The following CACNA2D3 variants were observed in gnomAD, a reference collection of about 807,000 sequenced individuals.
The protein encoded by CACNA2D3 is calcium voltage-gated channel auxiliary subunit alpha2delta 3, also known as voltage-dependent calcium channel subunit alpha-2/delta-3.
A neutral mutation model predicts 160.6 loss-of-function variants in CACNA2D3; 60 were observed. That is an observed-to-expected ratio of 0.37 (90% CI 0.30 to 0.46). The LOEUF (loss-of-function observed/expected upper bound fraction) is 0.46, where lower values mean the gene tolerates loss of function less well. Among genes scored for constraint, CACNA2D3 ranks in the 20% least tolerant of loss-of-function variants. The pLI is 1.00. For missense variants in CACNA2D3, 1,205 were observed against 1,365.0 expected, an observed-to-expected ratio of 0.88 and a Z score of 1.85; for synonymous variants, 558 against 492.9, an observed-to-expected ratio of 1.13 and a Z score of -1.75.
chr3:54,271,936 C>T (rs1426669168), intron 2 of CACNA2D3, among the ~76,000 whole-genome samples: 1 of 152,184 alleles, frequency 6.6e-6, no homozygotes, highest in Non-Finnish European at 1.5e-5. Context: ...AGGCAAAGTC[C>T]CCAGTGGCTT....
chr3:54,628,503 A>G (rs578022019), intron 10 of CACNA2D3, among the ~76,000 whole-genome samples: 1 of 152,282 alleles, frequency 6.6e-6, no homozygotes, highest in African/African-American at 2.4e-5. Context: ...TAGGCAGAGA[A>G]CTACATGGTC....
At chr3:54,340,879 C>T (rs1232951656) in intron 3 of CACNA2D3, among the ~76,000 whole-genome samples, 2 of 152,212 alleles carry the variant, frequency 1.3e-5, no homozygotes, top group Non-Finnish European at 2.9e-5. Flanking sequence ...ATCAGAGGGT[C>T]CCCACACTCC....
chr3:54,141,198 C>T (rs896809323), intron 2 of CACNA2D3, among the ~76,000 whole-genome samples: 2 of 151,862 alleles, frequency 1.3e-5, no homozygotes, highest in Non-Finnish European at 1.5e-5. Flanking sequence ...TACTGGTAAC[C>T]CTTCTCTATT....
In CACNA2D3 at chr3:54,626,431, G is replaced by T. The variant is rs577713702; in HGVS notation, c.964-1356G>T. On this transcript the variant is annotated intron_variant, in intron 9 of 37. Transcript: ENST00000474759. ...GGAGGCGCTGCCCATGGAGAAGCCGGAAGTGGTGAAGACGCACCTGCGTGA... is the reference window on the plus strand; with the variant it reads ...GGAGGCGCTGCCCATGGAGAAGCCGTAAGTGGTGAAGACGCACCTGCGTGA... 107 of 1,589,572 alleles carry T rather than the reference G, an allele frequency of 6.7e-5. 1 individual carries two copies. In the South Asian group the frequency reaches 1.1e-3, roughly 17 times the overall value.
At chr3:54,400,680 C>G (rs1699442787) in intron 4 of CACNA2D3, among the ~76,000 whole-genome samples, 3 of 152,156 alleles carry the variant, frequency 2.0e-5, no homozygotes, top group Non-Finnish European at 4.4e-5. Context: ...ACAACTGCTT[C>G]TACTAGGAGC....
chr3:54,807,497 A>G (rs936932743), intron 13 of CACNA2D3, among the ~76,000 whole-genome samples: 5 of 152,154 alleles, frequency 3.3e-5, no homozygotes, highest in African/African-American at 1.2e-4. Context: ...AATCAAAACC[A>G]CAATGAGATA....
chr3:54,658,005 G>A (rs781100459), intron 11 of CACNA2D3, among the ~76,000 whole-genome samples: 3 of 152,224 alleles, frequency 2.0e-5, no homozygotes, highest in Non-Finnish European at 4.4e-5. Flanking sequence ...GCAACAGAGT[G>A]AGTGAGACTC....
intron 35 of CACNA2D3, among the ~76,000 whole-genome samples, chr3:55,025,830 CCAAGCTTTATTT>C (rs1426913316): frequency 4.6e-5 from 7 of 151,892 alleles, no homozygotes; most frequent in African/African-American, 1.7e-4. Flanking sequence ...ATTTTCCTTT[CCAAGCTTTATTT>C]CAAGACCACC....
chr3:54,193,243 A>G (rs72972046), intron 2 of CACNA2D3, among the ~76,000 whole-genome samples: 2,366 of 152,228 alleles, frequency 0.016, 58 homozygotes, highest in African/African-American at 0.055. Context: ...CTTAGAGTCC[A>G]TGGCTATGGC....
chr3:54,703,571 C>T lies in CACNA2D3; in HGVS notation c.1168-49028C>T, dbSNP rs555134119. Among the ~76,000 whole-genome samples, 6 of 152,144 alleles carry T rather than the reference C, an allele frequency of 3.9e-5. No homozygotes were observed. In the South Asian group the frequency reaches 1.2e-3, roughly 31 times the overall value. Reference sequence around the variant, plus strand: ...GGCCACATAGTGAAGGTTCAATAACCGTTGACTATCCTCCTACCAGGTTTT... The same window carrying T: ...GGCCACATAGTGAAGGTTCAATAACTGTTGACTATCCTCCTACCAGGTTTT... On this transcript the variant is annotated intron_variant, in intron 11 of 37. Transcript: ENST00000474759.
At chr3:54,429,614 C>T (rs1431961988) in intron 4 of CACNA2D3, among the ~76,000 whole-genome samples, 1 of 152,102 alleles carries the variant, frequency 6.6e-6, no homozygotes, top group Non-Finnish European at 1.5e-5. Flanking sequence ...TGGTAGATTT[C>T]CTAGGGGTTA....
intron 27 of CACNA2D3, among the ~76,000 whole-genome samples, chr3:54,927,588 A>G (rs1018788640): frequency 1.4e-4 from 22 of 152,254 alleles, no homozygotes; most frequent in African/African-American, 5.1e-4. Flanking sequence ...CAATTTGTTC[A>G]TTCTTTCTTT....
At chr3:54,677,934 C>G (rs963827203) in intron 11 of CACNA2D3, among the ~76,000 whole-genome samples, 1 of 151,916 alleles carries the variant, frequency 6.6e-6, no homozygotes, top group Non-Finnish European at 1.5e-5. Flanking sequence ...CTTTAGAGTC[C>G]TGAGGGACAC....
At chr3:54,171,916 G>T (rs991054755) in intron 2 of CACNA2D3, among the ~76,000 whole-genome samples, 1 of 152,150 alleles carries the variant, frequency 6.6e-6, no homozygotes, top group African/African-American at 2.4e-5. Flanking sequence ...CCTGTCTCTG[G>T]ATGTCCTTCT....
At chr3:54,320,189 C>A (rs756701564) in intron 2 of CACNA2D3, among the ~76,000 whole-genome samples, 1 of 152,142 alleles carries the variant, frequency 6.6e-6, no homozygotes, top group African/African-American at 2.4e-5. Context: ...GACAGATGAT[C>A]GTTTAATTGG....
chr3:54,389,620 A>C (rs1699247000), intron 4 of CACNA2D3, among the ~76,000 whole-genome samples: 1 of 152,212 alleles, frequency 6.6e-6, no homozygotes, highest in Non-Finnish European at 1.5e-5. Flanking sequence ...GTGATGACTC[A>C]GAAAAATATA....
chr3:54,456,619 C>G (rs1365991964), intron 4 of CACNA2D3, among the ~76,000 whole-genome samples: 1 of 151,824 alleles, frequency 6.6e-6, no homozygotes, highest in Non-Finnish European at 1.5e-5. Context: ...TAATGTTGGC[C>G]TCATAGAGTG....
chr3:55,056,692 A>G (rs1704369187), intron 35 of CACNA2D3, among the ~76,000 whole-genome samples: 1 of 152,226 alleles, frequency 6.6e-6, no homozygotes, highest in Non-Finnish European at 1.5e-5. Flanking sequence ...TCTATATGAA[A>G]TAAGCCAGAC....
At position 54,304,875 on chromosome 3, in the gene CACNA2D3, T is replaced by C. The variant is rs914213223; in HGVS notation, c.205-15567T>C. Among the ~76,000 whole-genome samples the C allele has an allele frequency of 2.6e-5, 4 of 152,278 alleles. No homozygotes were observed. In the South Asian group the frequency reaches 8.3e-4, roughly 32 times the overall value. On this transcript the variant is annotated intron_variant, in intron 2 of 37. Coordinates refer to ENST00000474759, the MANE Select transcript of CACNA2D3 (RefSeq NM_018398.3). ...ATTCTGCCACCATACCCAGGCACGA[T>C]TGGAATTTTGTTGTGGTTCCTCCGA...
Sources: allele counts gnomAD v4.1 joint callset (sites outside exome capture counted in the v4.1 genomes callset), GRCh38; gene constraint gnomAD v4.1.1; transcripts MANE v1.5; gene names NCBI Gene and HGNC (gene_info 2026-07-23, HGNC 2026-07-21).